CENPH: variants seen among roughly 807,000 people sequenced by gnomAD.
CENPH encodes CENP-H.
In CENPH, 40 loss-of-function variants were observed where a neutral mutation model predicts 42.9. That is an observed-to-expected ratio of 0.93 (90% CI 0.72 to 1.21). The LOEUF is 1.21. CENPH is among the 50% of genes most tolerant of loss of function. CENPH has a pLI of 0.00. For missense variants in CENPH, 302 were observed against 292.9 expected, an observed-to-expected ratio of 1.03 and a Z score of -0.23; for synonymous variants, 88 against 96.5, an observed-to-expected ratio of 0.91 and a Z score of 0.52.
chr5:69,192,908 C>G (rs1259139140), intron 2 of CENPH, among the ~76,000 whole-genome samples: 1 of 152,044 alleles, frequency 6.6e-6, no homozygotes, highest in Non-Finnish European at 1.5e-5. Flanking sequence ...ACCAGCCTGA[C>G]CAACGTAGAG....
chr5:69,203,556 A>T (rs902790602), intron 7 of CENPH, among the ~76,000 whole-genome samples: 1 of 151,918 alleles, frequency 6.6e-6, no homozygotes, highest in Admixed American at 6.6e-5. Context: ...TTTAGTAGAG[A>T]TGGGATTTCA....
chr5:69,206,657 C>A (rs866730763), intron 7 of CENPH, among the ~76,000 whole-genome samples: 1 of 151,896 alleles, frequency 6.6e-6, no homozygotes, highest in African/African-American at 2.4e-5. Flanking sequence ...TGCCACCATG[C>A]CCCACTGATT....
intron 5 of CENPH, 173 bp downstream of exon 5, chr5:69,197,282 A>T (rs950280744): frequency 2.2e-6 from 1 of 447,922 alleles, no homozygotes; most frequent in African/African-American, 2.0e-5. Context: ...AGTTCTAATT[A>T]TATTTTGTTC....
At chr5:69,193,700 C>T (rs1196452220) in intron 2 of CENPH, among the ~76,000 whole-genome samples, 3 of 133,720 alleles carry the variant, frequency 2.2e-5, no homozygotes, top group Non-Finnish European at 3.1e-5. Context: ...CTTGTTCTGT[C>T]GCCCAGGCTA....
At chr5:69,206,827 G>A (rs1453367735) in intron 7 of CENPH, among the ~76,000 whole-genome samples, 5 of 152,086 alleles carry the variant, frequency 3.3e-5, no homozygotes, top group Admixed American at 2.0e-4. Flanking sequence ...ATATAGATTT[G>A]CCTGTTAGCA....
chr5:69,203,362 T>C (rs958030095), intron 7 of CENPH, among the ~76,000 whole-genome samples: 1 of 143,070 alleles, frequency 7.0e-6, no homozygotes, highest in Non-Finnish European at 1.6e-5. Context: ...AAAAAAAATT[T>C]TTTAATATGG....
Position 69,194,675 on chromosome 5 carries a change from G to A in CENPH, c.219G>A (p.Met73Ile). 1 of 1,587,168 alleles carries A rather than the reference G, an allele frequency of 6.3e-7. No homozygotes were observed. The highest frequency in any genetic ancestry group is 8.6e-7 in the Non-Finnish European group (1 of 1,164,146). Residue 73 changes from methionine to isoleucine, a missense_variant, in exon 3 of 9, where the codon ATG (methionine) becomes ATA (isoleucine). Met to Ile is a conservative substitution (Grantham distance 10, BLOSUM62 1). Coordinates refer to ENST00000283006, the MANE Select transcript of CENPH (RefSeq NM_022909.4). ...AAGAAAAAACTCCAGAACAAATTAT[G>A]CAAGAAAAGCAAATCGAAGCGTATG... ...ASEEKTPEQI[M>I]QEKQIEAKIE...
At chr5:69,209,662 T>G (rs772743045) in intron 8 of CENPH, 45 bp from the exon 9 acceptor site, 3 of 909,284 alleles carry the variant, frequency 3.3e-6, no homozygotes, top group African/African-American at 1.7e-5. Context: ...TCTTGTTAAA[T>G]TTTTAAAGTA....
intron 2 of CENPH, 41 bp from the exon 3 acceptor site, chr5:69,194,606 C>T (rs763079650): frequency 8.1e-7 from 1 of 1,238,402 alleles, no homozygotes; most frequent in Non-Finnish European, 1.2e-6. Context: ...GACAGCACCT[C>T]TCTAAAATGT....
chr5:69,190,652 G>C (rs1018650335), intron 1 of CENPH, among the ~76,000 whole-genome samples: 1 of 152,356 alleles, frequency 6.6e-6, no homozygotes, highest in Admixed American at 6.5e-5. Context: ...TGCCGAGGCA[G>C]ACGGATCACC....
At chr5:69,205,945 G>T (rs1056764227) in intron 7 of CENPH, among the ~76,000 whole-genome samples, 9 of 151,338 alleles carry the variant, frequency 5.9e-5, no homozygotes, top group South Asian at 2.1e-4. Flanking sequence ...TCCTGACCTC[G>T]TGATCCGCCC....
At chr5:69,198,414 T>C (rs1232227386) in intron 5 of CENPH, among the ~76,000 whole-genome samples, 3 of 151,956 alleles carry the variant, frequency 2.0e-5, no homozygotes, top group Non-Finnish European at 4.4e-5. Flanking sequence ...CTCAGCCTCC[T>C]GAATAGCTGG....
In CENPH at chr5:69,189,615, G is replaced by C. The variant is rs1051098835; in HGVS notation, c.-20G>C. The stretch of plus-strand genomic sequence containing the variant: ...GAGCGCGTTTGCCTGTTGAGTGGTA[G>C]CCTTTCCCCTCAACCAGCAATGGAG... On this transcript the variant is annotated 5_prime_UTR_variant, in exon 1 of 9. Transcript: ENST00000283006. The C allele has an allele frequency of 2.5e-6, 4 of 1,585,634 alleles. No homozygotes were observed. Among genetic ancestry groups the C allele is most frequent in the Non-Finnish European group, 3.4e-6 (4 of 1,169,764 alleles).
chr5:69,194,773 G>T lies in CENPH; in HGVS notation c.239+78G>T, dbSNP rs775897960. On this transcript the variant is annotated intron_variant, in intron 3 of 8. Coordinates refer to ENST00000283006, the MANE Select transcript of CENPH (RefSeq NM_022909.4). ...TTTTCTATTATTTTGTTGTTAGATG[G>T]AGTCTCACTATCATGCAGGCTAGAG... 3 of 902,976 alleles carry T rather than the reference G, an allele frequency of 3.3e-6. No individual in the cohort carries two copies. In the African/African-American group the frequency reaches 5.1e-5, roughly 15 times the overall value. 55.9% of individuals were successfully genotyped at this position (902,976 alleles called of 1,614,324 possible). A position where few individuals can be genotyped will look rare whatever the true frequency, so the allele number is the denominator to read the frequency against.
chr5:69,190,085 G>A (rs1747842160), intron 1 of CENPH, among the ~76,000 whole-genome samples: 2 of 152,086 alleles, frequency 1.3e-5, no homozygotes, highest in African/African-American at 4.8e-5. Context: ...CAGACAAATT[G>A]AATGCCAGAG....
chr5:69,197,858 A>G (rs1389419568), intron 5 of CENPH, among the ~76,000 whole-genome samples: 3 of 148,190 alleles, frequency 2.0e-5, no homozygotes, highest in Non-Finnish European at 4.5e-5. Context: ...AAAAAAGACT[A>G]GCAGGTCAGG....
intron 7 of CENPH, among the ~76,000 whole-genome samples, chr5:69,203,512 A>G (rs143612775): frequency 3.5e-4 from 53 of 152,208 alleles, no homozygotes; most frequent in Middle Eastern, 3.4e-3. Context: ...GATTACAGGC[A>G]TGTCCTATCA....
rs1414138093 is a variant in CENPH at position 69,209,768 on chromosome 5, T to A, written c.713T>A (p.Leu238Gln). The A allele has an allele frequency of 1.2e-6, 2 of 1,602,460 alleles. No individual in the cohort carries two copies. Among genetic ancestry groups the A allele is most frequent in the Admixed American group, 1.7e-5 (1 of 59,636 alleles). Reference sequence around the variant, plus strand: ...GATCCTGCCCTTAAGGAAATTGTTCTGCAGCTTGAGAAGAATGTTGACATG... The same window carrying A: ...GATCCTGCCCTTAAGGAAATTGTTCAGCAGCTTGAGAAGAATGTTGACATG... ...AEDPALKEIVLQLEKNVDMM is the reference protein window; with the variant it reads ...AEDPALKEIVQQLEKNVDMM Residue 238 changes from leucine (L) to glutamine (Q), a missense_variant, in exon 9 of 9, where the codon CTG (leucine) becomes CAG (glutamine). Leu to Gln is a moderately radical substitution (Grantham distance 113). Coordinates refer to ENST00000283006, the MANE Select transcript of CENPH (RefSeq NM_022909.4).
At chr5:69,200,719 CTTTTTTTTTTTTTTTTTTTTTT>C (rs70992906) in intron 5 of CENPH, among the ~76,000 whole-genome samples, 4,541 of 47,230 alleles carry the variant, frequency 0.096, 278 homozygotes, top group Middle Eastern at 0.32. Context: ...ATCAGCGTAT[CTTTTTTTTTTTTTTTTTTTTTT>C]TTTTTTTTTT....
Sources: allele counts gnomAD v4.1 joint callset (sites outside exome capture counted in the v4.1 genomes callset), GRCh38; gene constraint gnomAD v4.1.1; transcripts MANE v1.5; gene names NCBI Gene and HGNC (gene_info 2026-07-23, HGNC 2026-07-21).